CLPX: variants seen among roughly 807,000 people sequenced by gnomAD.
CLPX encodes caseinolytic mitochondrial matrix peptidase chaperone subunit X.
In CLPX, 34 loss-of-function variants were observed where a neutral mutation model predicts 76.4. The ratio of observed to expected loss-of-function variants is 0.45; its 90% confidence interval spans 0.34 to 0.59. CLPX has a LOEUF of 0.59. Ranked by LOEUF, CLPX falls within the 20% of genes least tolerant of loss-of-function variation. CLPX has a pLI of 0.01. For missense variants in CLPX, 613 were observed against 757.0 expected, an observed-to-expected ratio of 0.81 and a Z score of 2.23; for synonymous variants, 248 against 270.9, an observed-to-expected ratio of 0.92 and a Z score of 0.83.
chr15:65,160,116 A>G (rs995959134), intron 6 of CLPX, among the ~76,000 whole-genome samples: 1 of 152,166 alleles, frequency 6.6e-6, no homozygotes, highest in African/African-American at 2.4e-5. Context: ...CCTGGCCTAA[A>G]TTTTATTTTC....
intron 13 of CLPX, among the ~76,000 whole-genome samples, chr15:65,151,756 G>A (rs1432831643): frequency 6.6e-6 from 1 of 152,050 alleles, no homozygotes; most frequent in Non-Finnish European, 1.5e-5. Flanking sequence ...TGCCTCTAAA[G>A]TTATCTTGGA....
rs1248398790 is a variant in CLPX at position 65,155,100 on chromosome 15, A to AT, written c.1312-20dup. The AT allele has an allele frequency of 2.5e-6, 4 of 1,596,644 alleles. No individual in the cohort carries two copies. The highest frequency in any genetic ancestry group is 3.4e-6 in the Non-Finnish European group (4 of 1,166,874). On this transcript the variant is annotated intron_variant, in intron 10 of 13. Coordinates refer to ENST00000300107, the MANE Select transcript of CLPX (RefSeq NM_006660.5). ...CAAGATACTGCCAAAGAAATGATGCATATTTATAATTAGTAGAATCAAATG... is the reference window on the plus strand; with the variant it reads ...CAAGATACTGCCAAAGAAATGATGCATTATTTATAATTAGTAGAATCAAATG...
At chr15:65,153,142 T>C (rs1479937599) in intron 12 of CLPX, among the ~76,000 whole-genome samples, 1 of 151,010 alleles carries the variant, frequency 6.6e-6, no homozygotes. Context: ...TATAATCTAC[T>C]GTGACTAAAA....
rs143808436 is a variant in CLPX at position 65,179,932 on chromosome 15, A to G, written c.240+112T>C. On this transcript the variant is annotated intron_variant, in intron 2 of 13. Coordinates refer to ENST00000300107, the MANE Select transcript of CLPX (RefSeq NM_006660.5). ...TAAAATTATTCAGATCATTTTAGCT[A>G]TCTCATATTTCCTACAGAAAACATA... 2.3e-4 allele frequency: 146 copies of G among 623,326 alleles called. 2 individuals carry two copies. The African/African-American group carries it at 2.4e-3, about 10-fold the overall frequency. 38.6% of individuals were successfully genotyped at this position (623,326 alleles called of 1,614,324 possible). A position where few individuals can be genotyped will look rare whatever the true frequency, so the allele number is the denominator to read the frequency against.
intron 13 of CLPX, among the ~76,000 whole-genome samples, chr15:65,151,371 G>T (rs2087717766): frequency 1.6e-5 from 2 of 128,406 alleles, no homozygotes; most frequent in African/African-American, 3.0e-5. Context: ...AAAAAAGATT[G>T]CTTAGTAATA....
At chr15:65,176,594 C>T (rs1393241101) in intron 3 of CLPX, among the ~76,000 whole-genome samples, 1 of 148,352 alleles carries the variant, frequency 6.7e-6, no homozygotes, top group African/African-American at 2.5e-5. Flanking sequence ...TCTTTTTTTT[C>T]TTTCTTTTTT....
chr15:65,170,234 C>G (rs1407979284), intron 3 of CLPX, among the ~76,000 whole-genome samples: 7 of 151,814 alleles, frequency 4.6e-5, no homozygotes, highest in Non-Finnish European at 1.0e-4. Context: ...TAGAGAATCT[C>G]TTATAGGTAC....
chr15:65,164,905 C>T (rs187523601), intron 4 of CLPX, among the ~76,000 whole-genome samples: 168 of 152,078 alleles, frequency 1.1e-3, no homozygotes, highest in African/African-American at 3.8e-3. Flanking sequence ...CATGAGCCAC[C>T]AAGCTCAGCC....
chr15:65,180,576 C>T (rs2088153292), intron 1 of CLPX, among the ~76,000 whole-genome samples: 1 of 152,072 alleles, frequency 6.6e-6, no homozygotes, highest in South Asian at 2.1e-4. Flanking sequence ...TGAGAATAAA[C>T]ATCTGACAGC....
At chr15:65,176,585 CT>C (rs1008292551) in intron 3 of CLPX, among the ~76,000 whole-genome samples, 2 of 149,682 alleles carry the variant, frequency 1.3e-5, no homozygotes, top group Non-Finnish European at 3.0e-5. Context: ...ATTCTTTTTT[CT>C]TTTTTTTCTT....
At chr15:65,163,649 G>A (rs975928774) in intron 5 of CLPX, among the ~76,000 whole-genome samples, 5 of 151,984 alleles carry the variant, frequency 3.3e-5, no homozygotes, top group Non-Finnish European at 7.4e-5. Flanking sequence ...CACCCCACCT[G>A]GCTAATTTTT....
chr15:65,162,727 A>T (rs1015370451), intron 5 of CLPX, 82 bp from the exon 6 acceptor site: 3 of 723,028 alleles, frequency 4.1e-6, no homozygotes, highest in African/African-American at 1.8e-5. Flanking sequence ...GTCCTCTTTC[A>T]AATATATTTA....
chr15:65,165,540 C>A (rs1012638283), intron 4 of CLPX, among the ~76,000 whole-genome samples: 2 of 151,856 alleles, frequency 1.3e-5, no homozygotes, highest in Admixed American at 6.6e-5. Flanking sequence ...CCCGCCACCA[C>A]GCCGGGCTAA....
intron 4 of CLPX, among the ~76,000 whole-genome samples, chr15:65,164,830 G>A (rs1040887506): frequency 2.6e-5 from 4 of 151,508 alleles, no homozygotes; most frequent in Admixed American, 1.3e-4. Flanking sequence ...GCCAAGGCTG[G>A]TCTTGAACTC....
At chr15:65,156,973 T>C (rs1197527418) in intron 8 of CLPX, 41 bp from the exon 9 acceptor site, 7 of 1,338,084 alleles carry the variant, frequency 5.2e-6, no homozygotes, top group Non-Finnish European at 7.4e-6. Flanking sequence ...ACGAAAAAGA[T>C]ATACACAAGA....
At chr15:65,152,395 T>A in intron 13 of CLPX, 35 bp downstream of exon 13, 1 of 1,050,052 alleles carries the variant, frequency 9.5e-7, no homozygotes, top group Non-Finnish European at 1.3e-6. Flanking sequence ...TCATCTTAAA[T>A]TTTGTATCTG....
intron 7 of CLPX, chr15:65,158,260 G>A (rs1174494096): frequency 3.2e-6 from 1 of 308,166 alleles, no homozygotes; most frequent in East Asian, 6.4e-5. Flanking sequence ...GGCCTCAAGT[G>A]ATCCTCCCAC....
intron 3 of CLPX, among the ~76,000 whole-genome samples, chr15:65,174,551 C>A (rs930728133): frequency 9.9e-5 from 15 of 152,202 alleles, no homozygotes; most frequent in African/African-American, 3.4e-4. Context: ...GCATAAGCCA[C>A]CATGCCGGGC....
At chr15:65,170,177 A>T (rs1011899974) in intron 3 of CLPX, among the ~76,000 whole-genome samples, 2 of 152,122 alleles carry the variant, frequency 1.3e-5, no homozygotes, top group Admixed American at 6.5e-5. Flanking sequence ...TGCTTAACTC[A>T]GCCTAACCCT....
Sources: gnomAD v4.1 joint callset for allele counts (sites outside exome capture counted in the v4.1 genomes callset) on GRCh38, gnomAD v4.1.1 for gene constraint, MANE v1.5 for transcripts, NCBI Gene and HGNC (gene_info 2026-07-23, HGNC 2026-07-21) for gene names.